The following XYLT1 variants were observed in gnomAD, a reference collection of about 807,000 sequenced individuals.
XYLT1 encodes beta-D-xylosyltransferase 1.
In XYLT1, 36 loss-of-function variants were observed where a neutral mutation model predicts 91.3. The ratio of observed to expected loss-of-function variants is 0.39; its 90% CI spans 0.30 to 0.52. The LOEUF (loss-of-function observed/expected upper bound fraction) is 0.52. Among genes scored for constraint, XYLT1 ranks in the 20% least tolerant of loss-of-function variants. The probability of loss-of-function intolerance (pLI) is 0.68; values close to 1 mark genes in which losing one functional copy is unlikely to be tolerated. For synonymous variants in XYLT1, 588 were observed against 532.0 expected (o/e 1.11, Z -1.45); for missense variants, 1,242 against 1,284.5 (o/e 0.97, Z 0.51).
At chr16:17,242,388 C>G (rs2033360768) in intron 3 of XYLT1, among the ~76,000 whole-genome samples, 1 of 152,190 alleles carries the variant, frequency 6.6e-6, no homozygotes, top group Non-Finnish European at 1.5e-5. Flanking sequence ...GTTTGTCAAT[C>G]CCTATGTTAA....
chr16:17,424,606 C>T (rs558308913), intron 1 of XYLT1, among the ~76,000 whole-genome samples: 50 of 152,168 alleles, frequency 3.3e-4, no homozygotes, highest in African/African-American at 1.1e-3. Flanking sequence ...TGCGGTGGCT[C>T]ATGCCGTGAT....
At chr16:17,197,164 T>C (rs1252250965) in intron 5 of XYLT1, among the ~76,000 whole-genome samples, 2 of 151,824 alleles carry the variant, frequency 1.3e-5, no homozygotes, top group Non-Finnish European at 2.9e-5. Flanking sequence ...TCTCTTGTTA[T>C]GCTACCCCTC....
At chr16:17,155,796 T>G (rs1382207763) in intron 6 of XYLT1, among the ~76,000 whole-genome samples, 3 of 151,948 alleles carry the variant, frequency 2.0e-5, no homozygotes, top group Admixed American at 1.3e-4. Flanking sequence ...TGGAGGGAGG[T>G]GTAAGAAGCA....
At chr16:17,454,316 G>A (rs1027799279) in intron 1 of XYLT1, among the ~76,000 whole-genome samples, 12 of 152,170 alleles carry the variant, frequency 7.9e-5, no homozygotes, top group African/African-American at 2.9e-4. Context: ...ATTCCACAAT[G>A]AAATAATGCA....
chr16:17,125,838 C>T lies in XYLT1; in HGVS notation c.2223+1828G>A, dbSNP rs187759256. 1.2e-4 allele frequency among the ~76,000 whole-genome samples: 19 copies of T among 152,254 alleles called. No homozygotes were observed. In the East Asian group the frequency reaches 3.5e-3, roughly 28 times the overall value. On this transcript the variant is annotated intron_variant, in intron 10 of 11. Transcript: ENST00000261381. ...CCTGGTTTGTTTGGTTCACCACAAT[C>T]CCTCCTGAACCTGGCACACTGTAGG...
chr16:17,345,194 C>T (rs938368999), intron 2 of XYLT1, among the ~76,000 whole-genome samples: 1 of 152,236 alleles, frequency 6.6e-6, no homozygotes. Flanking sequence ...GGGCTTCACT[C>T]ATGTGGTGAC....
At chr16:17,266,292 C>T (rs1254727124) in intron 2 of XYLT1, among the ~76,000 whole-genome samples, 2 of 152,186 alleles carry the variant, frequency 1.3e-5, no homozygotes, top group African/African-American at 4.8e-5. Context: ...AAGATGGCAC[C>T]TACTTCCCAG....
At chr16:17,446,668 T>C (rs1417676559) in intron 1 of XYLT1, among the ~76,000 whole-genome samples, 1 of 152,132 alleles carries the variant, frequency 6.6e-6, no homozygotes, top group Non-Finnish European at 1.5e-5. Context: ...GTGATCAGGC[T>C]GGAAGGAGGT....
intron 6 of XYLT1, among the ~76,000 whole-genome samples, chr16:17,144,141 T>C (rs529354743): frequency 5.1e-4 from 78 of 152,296 alleles, no homozygotes; most frequent in Non-Finnish European, 9.9e-4. Context: ...CTGTCTACCC[T>C]TTCCAGTAGA....
intron 7 of XYLT1, 118 bp downstream of exon 7, chr16:17,141,035 G>A: frequency 2.1e-6 from 2 of 951,354 alleles, no homozygotes; most frequent in East Asian, 4.8e-5. Flanking sequence ...ATGTCTGGGT[G>A]TGTAGAGGAC....
At chr16:17,329,320 TGAG>T (rs1423625075) in intron 2 of XYLT1, among the ~76,000 whole-genome samples, 1 of 152,212 alleles carries the variant, frequency 6.6e-6, no homozygotes, top group Admixed American at 6.5e-5. Context: ...TCTGTAACCG[TGAG>T]ACTCAGTTTC....
chr16:17,166,667 A>G (rs1747483959), intron 5 of XYLT1, among the ~76,000 whole-genome samples: 1 of 145,372 alleles, frequency 6.9e-6, no homozygotes, highest in African/African-American at 2.6e-5. Flanking sequence ...GTGCACCACA[A>G]TGTCCAGCTA....
intron 2 of XYLT1, among the ~76,000 whole-genome samples, chr16:17,274,173 A>T (rs1466248385): frequency 6.6e-6 from 1 of 152,130 alleles, no homozygotes; most frequent in African/African-American, 2.4e-5. Flanking sequence ...CAGCCTCCCA[A>T]AGTGCTGGGA....
chr16:17,196,820 G>A (rs897549054), intron 5 of XYLT1, among the ~76,000 whole-genome samples: 190 of 151,944 alleles, frequency 1.3e-3, no homozygotes, highest in African/African-American at 4.2e-3. Flanking sequence ...TATAATCCCA[G>A]CACTTTGGGA....
chr16:17,340,119 G>A (rs1169936916), intron 2 of XYLT1, among the ~76,000 whole-genome samples: 1 of 150,922 alleles, frequency 6.6e-6, no homozygotes, highest in East Asian at 1.9e-4. Flanking sequence ...CACCCATCCT[G>A]TATCCACTCA....
chr16:17,279,271 G>T (rs922701392), intron 2 of XYLT1, among the ~76,000 whole-genome samples: 4 of 152,212 alleles, frequency 2.6e-5, no homozygotes, highest in Non-Finnish European at 5.9e-5. Flanking sequence ...GCTGTAGCCA[G>T]CTCATGGAGT....
intron 1 of XYLT1, among the ~76,000 whole-genome samples, chr16:17,366,061 CTT>C (rs11398471): frequency 2.1e-4 from 27 of 128,554 alleles, no homozygotes; most frequent in Admixed American, 3.2e-4. Context: ...AGCTGGTTTG[CTT>C]TTTTTTTTTT....
intron 1 of XYLT1, among the ~76,000 whole-genome samples, chr16:17,429,910 A>G (rs1295396586): frequency 6.7e-6 from 1 of 148,736 alleles, no homozygotes; most frequent in East Asian, 2.0e-4. Context: ...CTCCATAATC[A>G]TGGGAGCCAA....
At chr16:17,412,246 A>G (rs1246047152) in intron 1 of XYLT1, among the ~76,000 whole-genome samples, 2 of 152,042 alleles carry the variant, frequency 1.3e-5, no homozygotes, top group Non-Finnish European at 2.9e-5. Flanking sequence ...CGTGCAGCCC[A>G]GGTCCATGTG....
Sources: allele counts gnomAD v4.1 joint callset (sites outside exome capture counted in the v4.1 genomes callset), GRCh38; gene constraint gnomAD v4.1.1; transcripts MANE v1.5; gene names NCBI Gene and HGNC (gene_info 2026-07-23, HGNC 2026-07-21).